The following TDRKH variants were observed in gnomAD, a reference collection of about 807,000 sequenced individuals.
TDRKH encodes tudor and KH domain containing.
In TDRKH, 28 loss-of-function variants were observed where a neutral mutation model predicts 61.3. The ratio of observed to expected loss-of-function variants is 0.46; its 90% confidence interval spans 0.34 to 0.63. TDRKH has a LOEUF of 0.63. Ranked by LOEUF, TDRKH falls within the 20% of genes least tolerant of loss-of-function variation. TDRKH has a pLI of 0.01. For synonymous variants in TDRKH, 219 were observed against 244.4 expected, an observed-to-expected ratio of 0.90 and a Z score of 0.97; for missense variants, 540 against 683.4, an observed-to-expected ratio of 0.79 and a Z score of 2.34.
downstream of TDRKH, chr1:151,766,847 G>T (rs1479921004): frequency 6.2e-7 from 1 of 1,612,590 alleles, no homozygotes. Context: ...ACAAGTACCG[G>T]ATCACTCTCC....
At chr1:151,770,881 A>T (rs934068393), downstream of TDRKH, among the ~76,000 whole-genome samples, 6 of 152,214 alleles carry the variant, frequency 3.9e-5, no homozygotes, top group Non-Finnish European at 7.3e-5. Context: ...TGGAAACTGA[A>T]GTTCTGCAGG....
chr1:151,785,360 T>C (rs751671405), intron 1 of TDRKH, among the ~76,000 whole-genome samples: 6 of 152,214 alleles, frequency 3.9e-5, no homozygotes, highest in Non-Finnish European at 8.8e-5. Context: ...TGCAGTTCTA[T>C]GACCCTGCTC....
At chr1:151,766,602 AG>A (rs1486799433), downstream of TDRKH, 1 of 1,164,978 alleles carries the variant, frequency 8.6e-7, no homozygotes, top group African/African-American at 1.5e-5. Flanking sequence ...AGGTGACATA[AG>A]GGCTGACCCC....
At position 151,778,827 on chromosome 1, in the gene TDRKH, A is replaced by C. The variant is rs768060882; in HGVS notation, c.741T>G (p.Thr247=). 2 of 1,614,204 alleles carry C rather than the reference A, an allele frequency of 1.2e-6. No homozygotes were observed. The highest frequency in any genetic ancestry group is 1.7e-6 in the Non-Finnish European group (2 of 1,180,034). ...TGGGTGGAGGAGTCACCAGGGGTGCAGTCGGCTCCATGCTAGAACTGGTGT... is the reference window on the plus strand; with the variant it reads ...TGGGTGGAGGAGTCACCAGGGGTGCCGTCGGCTCCATGCTAGAACTGGTGT... The part of the protein sequence containing the change: ...WKNTSSSMEP[T]APLVTPPPKG... The change falls in exon 6 of 13, where the codon ACT becomes ACG. Residue 247 remains threonine, a synonymous_variant. Transcript: ENST00000368824.
intron 6 of TDRKH, among the ~76,000 whole-genome samples, chr1:151,776,843 G>A (rs1169867351): frequency 2.0e-5 from 3 of 152,148 alleles, no homozygotes; most frequent in Non-Finnish European, 2.9e-5. Context: ...TAGTCAAATC[G>A]GTCACCAATT....
At chr1:151,785,104 G>C (rs1314904866) in intron 1 of TDRKH, among the ~76,000 whole-genome samples, 3 of 151,914 alleles carry the variant, frequency 2.0e-5, no homozygotes, top group African/African-American at 7.3e-5. Context: ...GCTAATTTTT[G>C]TATTTTTTGT....
intron 1 of TDRKH, among the ~76,000 whole-genome samples, chr1:151,786,628 C>T (rs4845570): frequency 0.79 from 120,616 of 152,168 alleles, 48,638 homozygotes; most frequent in Middle Eastern, 0.91. Flanking sequence ...TACTGATCAA[C>T]AGAACTGAAT....
chr1:151,776,048 G>A, intron 8 of TDRKH, 48 bp downstream of exon 8: 1 of 1,590,640 alleles, frequency 6.3e-7, no homozygotes, highest in Non-Finnish European at 8.6e-7. Flanking sequence ...ACCACCCTAT[G>A]GCCAGAACTG....
chr1:151,782,975 T>A lies in TDRKH; in HGVS notation c.48A>T (p.Lys16Asn). 6.2e-7 allele frequency: 1 copy of A among 1,613,934 alleles called. No individual in the cohort carries two copies. The highest frequency in any genetic ancestry group is 8.5e-7 in the Non-Finnish European group (1 of 1,179,934). Residue 16 changes from lysine to asparagine, a missense_variant, in exon 2 of 13, where the codon AAA (lysine) becomes AAT (asparagine). Physicochemically the swap from Lys to Asn is moderately conservative, Grantham distance 94. Around this residue, in one of 3 missense-constraint regions of TDRKH, gnomAD observed 156 missense variants for 218.0 expected, o/e 0.72. Coordinates refer to ENST00000368824, the MANE Select transcript of TDRKH (RefSeq NM_001083965.2). The stretch of plus-strand genomic sequence containing the variant: ...CTGGGATCCCAAGGCCCAGGGCTAT[T>A]TTCTGAATGGTGGACAGGCTTGTCC... ...TSWTSLSTIQKIALGLGIPAS... is the reference protein window; with the variant it reads ...TSWTSLSTIQNIALGLGIPAS...
At chr1:151,786,125 G>C (rs771347684) in intron 1 of TDRKH, among the ~76,000 whole-genome samples, 1 of 152,132 alleles carries the variant, frequency 6.6e-6, no homozygotes, top group Non-Finnish European at 1.5e-5. Flanking sequence ...TAAAACTTAG[G>C]CTTTCAGGGA....
chr1:151,770,663 G>A (rs1198335712), downstream of TDRKH: 7 of 241,114 alleles, frequency 2.9e-5, no homozygotes, highest in Non-Finnish European at 4.8e-5. Flanking sequence ...CTTGCCTCAA[G>A]GAGCTCAAAC....
Position 151,775,533 on chromosome 1 carries a change from C to T in TDRKH, c.1293G>A (p.Trp431Ter). The change falls in exon 10 of 13, where the codon TGG becomes TGA. Residue 431 changes from tryptophan (W) to a stop codon, truncating the protein, a stop_gained. Transcript: ENST00000368824. LOFTEE classifies it high-confidence loss of function. ...CAAACTCATCCAAAGCTTCCTCTTC[C>T]CACTGGTCACCTGGCAAAAGATTGT... ...LARIAPSGDQ[W>*]EEEALDEFDR... is the part of the protein sequence containing the mutation. 6.2e-7 allele frequency: 1 copy of T among 1,612,848 alleles called. No homozygotes were observed. The highest frequency in any genetic ancestry group is 1.1e-5 in the South Asian group (1 of 90,816).
At chr1:151,771,254 C>G (rs1431532331), downstream of TDRKH, 1 of 1,603,962 alleles carries the variant, frequency 6.2e-7, no homozygotes, top group African/African-American at 1.3e-5. Context: ...GGGCTGGAAG[C>G]CTTGACACAT....
chr1:151,782,303 C>T (rs1245878934), intron 2 of TDRKH, among the ~76,000 whole-genome samples: 1 of 151,482 alleles, frequency 6.6e-6, no homozygotes, highest in South Asian at 2.1e-4. Context: ...AAACATTAGC[C>T]AGGAGTGGTG....
chr1:151,781,328 A>AAAAAATATATAT (rs1491536697), intron 3 of TDRKH, among the ~76,000 whole-genome samples, 153 bp downstream of exon 3: 6 of 68,598 alleles, frequency 8.7e-5, no homozygotes, highest in Admixed American at 5.5e-4. Context: ...AAAAAAAAAA[A>AAAAAATATATAT]ATATATATAT....
chr1:151,775,547 G>A lies in TDRKH; in HGVS notation c.1283-4C>T, dbSNP rs1402964134. 6.2e-7 allele frequency: 1 copy of A among 1,611,814 alleles called. No homozygotes were observed. The highest frequency in any genetic ancestry group is 1.7e-5 in the Admixed American group (1 of 59,684). On this transcript the variant is annotated splice_region_variant and splice_polypyrimidine_tract_variant and intron_variant, in intron 9 of 12. Transcript: ENST00000368824. ...GCTTCCTCTTCCCACTGGTCACCTG[G>A]CAAAAGATTGTAGGGGTTACTGCTG...
intron 9 of TDRKH, 106 bp downstream of exon 9, chr1:151,775,714 A>G (rs528997697): frequency 9.2e-5 from 138 of 1,501,364 alleles, no homozygotes; most frequent in Admixed American, 3.3e-4. Flanking sequence ...AAGGCACCTG[A>G]GTCCCCAGAA....
chr1:151,769,852 C>T (rs1403504027), downstream of TDRKH, among the ~76,000 whole-genome samples: 1 of 152,254 alleles, frequency 6.6e-6, no homozygotes, highest in African/African-American at 2.4e-5. Context: ...GCTGGCAGAT[C>T]ACTCGTGGTT....
At chr1:151,782,870 T>TCA in intron 2 of TDRKH, 29 bp downstream of exon 2, 1 of 1,529,320 alleles carries the variant, frequency 6.5e-7, no homozygotes, top group Non-Finnish European at 8.8e-7. Flanking sequence ...CTGAACATTT[T>TCA]CACACACACA....
Sources: allele counts gnomAD v4.1 joint callset (sites outside exome capture counted in the v4.1 genomes callset), GRCh38; gene constraint gnomAD v4.1.1; regional missense constraint gnomAD v4.1.1; transcripts MANE v1.5; gene names NCBI Gene and HGNC (gene_info 2026-07-23, HGNC 2026-07-21).